Variants in LARP1 observed in about 807,000 individuals in gnomAD.
LARP1 encodes La ribonucleoprotein 1, translational regulator.
A neutral mutation model predicts 122.7 loss-of-function variants in LARP1; 36 were observed. The observed-to-expected ratio is 0.29, with a 90% CI of 0.22 to 0.39. The LOEUF (loss-of-function observed/expected upper bound fraction) is 0.39, where lower values mean the gene tolerates loss of function less well. Among genes scored for constraint, LARP1 ranks in the 10% least tolerant of loss-of-function variants. The probability of loss-of-function intolerance (pLI) is 1.00; values close to 1 mark genes in which losing one functional copy is unlikely to be tolerated. For missense variants in LARP1, 1,040 were observed against 1,403.6 expected (o/e 0.74, Z 4.14); for synonymous variants, 539 against 528.7 (o/e 1.02, Z -0.27).
In LARP1 at chr5:154,744,880, G is replaced by C. The variant is rs1376214306; in HGVS notation, c.205+31750G>C. 7.3e-5 allele frequency among the ~76,000 whole-genome samples: 10 copies of C among 137,322 alleles called. 1 individual carries two copies. The South Asian group carries it at 2.3e-3, about 32-fold the overall frequency. 90.1% of individuals were successfully genotyped at this position (137,322 alleles called of 152,430 possible). On this transcript the variant is annotated intron_variant, in intron 1 of 18. Transcript: ENST00000336314. ...TCTCGATCTCCTGACCTCGTGATCCGCCCGCCTCGGCCTCCCAAAGTGCTG... is the reference window on the plus strand; with the variant it reads ...TCTCGATCTCCTGACCTCGTGATCCCCCCGCCTCGGCCTCCCAAAGTGCTG...
intron 1 of LARP1, among the ~76,000 whole-genome samples, chr5:154,785,095 A>G (rs1479951174): frequency 6.6e-6 from 1 of 152,238 alleles, no homozygotes; most frequent in Admixed American, 6.5e-5. Flanking sequence ...GACCTGTGAT[A>G]AATTCCCCCA....
At chr5:154,691,276 G>GA (rs1361690200) in intron 1 of LARP1, among the ~76,000 whole-genome samples, 8 of 140,014 alleles carry the variant, frequency 5.7e-5, no homozygotes, top group South Asian at 4.5e-4. Context: ...AAAAAAAAAA[G>GA]AAAGAAAGTA....
At chr5:154,790,265 C>A in intron 1 of LARP1, 60 bp from the exon 2 acceptor site, 1 of 1,417,216 alleles carries the variant, frequency 7.1e-7, no homozygotes, top group South Asian at 1.2e-5. Flanking sequence ...GGGTGAGGAG[C>A]TGGCAGTAGC....
chr5:154,797,338 A>G (rs1177999882), intron 8 of LARP1, among the ~76,000 whole-genome samples: 4 of 145,034 alleles, frequency 2.8e-5, no homozygotes, highest in African/African-American at 1.0e-4. Flanking sequence ...GGTTTAAGCA[A>G]TTCTCCTGCC....
Position 154,802,611 on chromosome 5 carries a change from CGGT to C in LARP1, c.2109+217_2109+219del. Among the ~76,000 whole-genome samples the C allele has an allele frequency of 6.6e-6, 1 of 152,172 alleles. No individual in the cohort carries two copies. Among genetic ancestry groups the C allele is most frequent in the Non-Finnish European group, 1.5e-5 (1 of 67,990 alleles). ...AACACTGCAAACTCTTCAGGTGAGG[CGGT>C]GGTGATTATTATCCTATCTGCGGAT... On this transcript the variant is annotated intron_variant, in intron 11 of 18. Coordinates refer to ENST00000518297, the MANE Select transcript of LARP1 (RefSeq NM_033551.3). The surrounding 1 kb of genome is among the most constrained non-coding windows in gnomAD (Gnocchi z 5.1).
chr5:154,700,606 C>T lies in LARP1; in HGVS notation c.-180+17569C>T, dbSNP rs148147561. 5.0e-3 allele frequency among the ~76,000 whole-genome samples: 765 copies of T among 152,116 alleles called. 3 individuals carry two copies. Among genetic ancestry groups the T allele is most frequent in the Non-Finnish European group, 7.7e-3 (526 of 67,998 alleles). ...ATGATGTTGTTGTTGTGGTTTGAGA[C>T]AGGGTCTTGCTCTATCACCTTTGTT... On this transcript the variant is annotated intron_variant, in intron 1 of 18. Coordinates refer to the LARP1 transcript ENST00000687700.
At position 154,795,330 on chromosome 5, in the gene LARP1, CT is replaced by C. The variant is rs1025921493; in HGVS notation, c.1377+12del. The C allele has an allele frequency of 5.0e-6, 8 of 1,612,398 alleles. No homozygotes were observed. The African/African-American group carries it at 1.1e-4, about 22-fold the overall frequency. ...TCACTCATCTTTGCGGTATGTCTTC[CT>C]CCCTGGAGCTGGGATGCAGGGGAAA... On this transcript the variant is annotated intron_variant, in intron 8 of 18. Transcript: ENST00000518297.
chr5:154,767,353 T>G (rs1270911353), intron 1 of LARP1, among the ~76,000 whole-genome samples: 2 of 152,210 alleles, frequency 1.3e-5, no homozygotes, highest in Non-Finnish European at 2.9e-5. Flanking sequence ...GGCCCAGGTC[T>G]TCAATTTGCT....
chr5:154,802,962 A>G lies in LARP1; in HGVS notation c.2110-328A>G, dbSNP rs1197689906. Among the ~76,000 whole-genome samples the G allele has an allele frequency of 1.3e-5, 2 of 152,176 alleles. No homozygotes were observed. Among genetic ancestry groups the G allele is most frequent in the African/African-American group, 4.8e-5 (2 of 41,422 alleles). On this transcript the variant is annotated intron_variant, in intron 11 of 18. Coordinates refer to ENST00000518297, the MANE Select transcript of LARP1 (RefSeq NM_033551.3). The surrounding 1 kb of genome is among the most constrained non-coding windows in gnomAD (Gnocchi z 5.1). ...AGAGTTGCCCAGCCACTGTGTGATA[A>G]GGCAGTAGCAGAAAGAGAGATGGGG...
At chr5:154,804,340 C>T in intron 14 of LARP1, 33 bp downstream of exon 14, 2 of 1,514,870 alleles carry the variant, frequency 1.3e-6, no homozygotes, top group Non-Finnish European at 1.8e-6. Context: ...AGTGATCAGG[C>T]TGCCTATGGG....
At chr5:154,779,849 G>T (rs886975589) in intron 1 of LARP1, among the ~76,000 whole-genome samples, 4 of 152,078 alleles carry the variant, frequency 2.6e-5, no homozygotes, top group African/African-American at 9.7e-5. Flanking sequence ...TGCCTTGAGA[G>T]CATCCGTGTG....
intron 8 of LARP1, among the ~76,000 whole-genome samples, chr5:154,799,388 G>C (rs1758156814): frequency 6.6e-6 from 1 of 152,128 alleles, no homozygotes; most frequent in Non-Finnish European, 1.5e-5. Context: ...TAAAAGGGTA[G>C]GTGTATTTAT....
At chr5:154,685,921 C>A in intron 1 of LARP1, 1 of 486,282 alleles carries the variant, frequency 2.1e-6, no homozygotes, top group East Asian at 5.8e-5. Context: ...CTTCCCCAAG[C>A]TACCTCGTGA....
chr5:154,760,319 T>A (rs2113585139), intron 1 of LARP1, among the ~76,000 whole-genome samples: 1 of 152,346 alleles, frequency 6.6e-6, no homozygotes, highest in East Asian at 1.9e-4. Flanking sequence ...TGTGCCTGTT[T>A]CTTCGTCTGT....
At chr5:154,737,602 G>T (rs1439045766) in intron 1 of LARP1, among the ~76,000 whole-genome samples, 1 of 150,704 alleles carries the variant, frequency 6.6e-6, no homozygotes, top group Non-Finnish European at 1.5e-5. Context: ...CCACCACGCC[G>T]GCTAATTTTT....
At chr5:154,701,796 T>A (rs1754735869) in intron 1 of LARP1, among the ~76,000 whole-genome samples, 2 of 152,044 alleles carry the variant, frequency 1.3e-5, no homozygotes, top group South Asian at 4.2e-4. Flanking sequence ...TAATTTTTTA[T>A]ATTTTTAGTA....
chr5:154,715,264 C>CTTTTT (rs35808885), intron 1 of LARP1, among the ~76,000 whole-genome samples: 1 of 90,236 alleles, frequency 1.1e-5, no homozygotes, highest in Non-Finnish European at 2.0e-5. Context: ...GCAAGCCTCT[C>CTTTTT]TTTTTTTTTT....
chr5:154,720,137 G>C (rs770940076), intron 1 of LARP1, among the ~76,000 whole-genome samples: 7 of 152,134 alleles, frequency 4.6e-5, no homozygotes, highest in Non-Finnish European at 1.0e-4. Flanking sequence ...GTTGCAGTGA[G>C]CTGAGATCGC....
At chr5:154,735,284 G>A (rs1240674958) in intron 1 of LARP1, among the ~76,000 whole-genome samples, 3 of 151,930 alleles carry the variant, frequency 2.0e-5, no homozygotes, top group Non-Finnish European at 4.4e-5. Flanking sequence ...GTGAAACCCC[G>A]TCTCTACTAA....
Sources: gnomAD v4.1 joint callset for allele counts (sites outside exome capture counted in the v4.1 genomes callset) on GRCh38, gnomAD v4.1.1 for gene constraint, Gnocchi (gnomAD v3.1) non-coding constraint, MANE v1.5 for transcripts, NCBI Gene and HGNC (gene_info 2026-07-23, HGNC 2026-07-21) for gene names.